Variants in PCDHGA4 observed in about 807,000 individuals in gnomAD.
The protein encoded by PCDHGA4 is protocadherin gamma subfamily A, 4, also known as protocadherin gamma-A4.
A neutral mutation model predicts 54.6 loss-of-function variants in PCDHGA4; 38 were observed. The ratio of observed to expected loss-of-function variants is 0.70; its 90% CI spans 0.54 to 0.91. The LOEUF is 0.91. Ranked by LOEUF, PCDHGA4 falls within the 40% of genes least tolerant of loss-of-function variation. PCDHGA4 has a pLI of 0.00. For missense variants in PCDHGA4, 1,298 were observed against 1,220.9 expected (o/e 1.06, Z -0.94); for synonymous variants, 511 against 512.9 (o/e 1.00, Z 0.05).
intron 1 of PCDHGA4, chr5:141,399,412 T>A: frequency 6.2e-7 from 1 of 1,613,948 alleles, no homozygotes; most frequent in Non-Finnish European, 8.5e-7. Flanking sequence ...GCCGCCCCTC[T>A]CCTCCAGCAT....
rs758590718 is a variant in PCDHGA4 at position 141,355,439 on chromosome 5, G to A, written c.332G>A (p.Arg111His). The A allele has an allele frequency of 3.0e-5, 48 of 1,613,990 alleles. No homozygotes were observed. Among genetic ancestry groups the A allele is most frequent in the Non-Finnish European group, 3.9e-5 (46 of 1,179,942 alleles). ...ACGCAGCTTTTCGCCCTGAACCCGC[G>A]CAGCGGCACCTTGGTCACCGCGGGT... The part of the protein sequence containing the change: ...GRTQLFALNP[R>H]SGTLVTAGRI... Residue 111 changes from arginine (R) to histidine (H), a missense_variant, in exon 1 of 4, where the codon CGC (arginine) becomes CAC (histidine). By Grantham distance (29) the Arg-to-His change is conservative. Coordinates refer to ENST00000571252, the MANE Select transcript of PCDHGA4 (RefSeq NM_018917.4).
chr5:141,414,597 C>T, intron 1 of PCDHGA4: 5 of 1,613,972 alleles, frequency 3.1e-6, no homozygotes, highest in Non-Finnish European at 3.4e-6. Flanking sequence ...GGGGTGCCTC[C>T]ATCTTCTCAG....
chr5:141,478,711 T>A, intron 1 of PCDHGA4: 1 of 1,547,346 alleles, frequency 6.5e-7, no homozygotes, highest in Non-Finnish European at 8.7e-7. Flanking sequence ...CTTTGTGAGA[T>A]GGTGGCCTGC....
intron 1 of PCDHGA4, chr5:141,389,769 G>A (rs2091901102): frequency 3.1e-6 from 5 of 1,612,950 alleles, no homozygotes; most frequent in Non-Finnish European, 4.2e-6. Context: ...CACAGCGCGT[G>A]CCTTAGGCGA....
At chr5:141,449,542 T>C (rs1379019468) in intron 1 of PCDHGA4, among the ~76,000 whole-genome samples, 2 of 142,482 alleles carry the variant, frequency 1.4e-5, no homozygotes, top group African/African-American at 5.3e-5. Context: ...TGAGCCGAGA[T>C]CGCACCACTG....
intron 1 of PCDHGA4, chr5:141,407,918 C>T (rs890872713): frequency 1.1e-5 from 5 of 472,514 alleles, no homozygotes. Context: ...GGGCTGCTGT[C>T]CCGCACGGAG....
At chr5:141,455,920 C>T (rs941360102) in intron 1 of PCDHGA4, among the ~76,000 whole-genome samples, 1 of 147,944 alleles carries the variant, frequency 6.8e-6, no homozygotes, top group Non-Finnish European at 1.5e-5. Context: ...TATTTTGAGA[C>T]GGAGTCTCGC....
intron 1 of PCDHGA4, among the ~76,000 whole-genome samples, chr5:141,429,880 G>A (rs1209368869): frequency 6.6e-6 from 1 of 152,104 alleles, no homozygotes; most frequent in Non-Finnish European, 1.5e-5. Context: ...CTTTTACTAA[G>A]TTTCCTGAAC....
intron 1 of PCDHGA4, chr5:141,403,099 C>T (rs762392585): frequency 2.5e-6 from 4 of 1,613,938 alleles, no homozygotes; most frequent in Non-Finnish European, 2.5e-6. Flanking sequence ...GCAACATCTC[C>T]AAGGACCTGG....
At position 141,491,101 on chromosome 5, in the gene PCDHGA4, G is replaced by A. The variant is rs1270788252; in HGVS notation, c.2515-3706G>A. Reference sequence around the variant, plus strand: ...GTCCACAGCCCCAGGACTGTTCCTCGTGTCTACACACACTGGTGAGGTGCG... The same window carrying A: ...GTCCACAGCCCCAGGACTGTTCCTCATGTCTACACACACTGGTGAGGTGCG... On this transcript the variant is annotated intron_variant, in intron 1 of 3. Transcript: ENST00000571252. This position sits in a 1 kb window ranked among gnomAD's most constrained non-coding sequence, Gnocchi z 6.9. The A allele has an allele frequency of 8.1e-6, 13 of 1,614,102 alleles. No individual in the cohort carries two copies. In the East Asian group the frequency reaches 1.6e-4, roughly 19 times the overall value.
At position 141,450,006 on chromosome 5, in the gene PCDHGA4, C is replaced by CTTTTT. The variant is rs1554136305; in HGVS notation, c.2515-44787_2515-44783dup. ...CACATTGCATTTAGTTGCCATGTCTCTTTTTTTTTTTTTTTTTTGAGACAG... is the reference window on the plus strand; with the variant it reads ...CACATTGCATTTAGTTGCCATGTCTCTTTTTTTTTTTTTTTTTTTTTTTGAGACAG... On this transcript the variant is annotated intron_variant, in intron 1 of 3. Transcript: ENST00000571252. Among the ~76,000 whole-genome samples the CTTTTT allele has an allele frequency of 3.4e-4, 45 of 132,908 alleles. 3 individuals carry two copies. Among genetic ancestry groups the CTTTTT allele is most frequent in the South Asian group, 7.1e-4 (3 of 4,236 alleles). 87.2% of individuals were successfully genotyped at this position (132,908 alleles called of 152,430 possible).
intron 1 of PCDHGA4, among the ~76,000 whole-genome samples, chr5:141,488,969 CCAAT>C (rs1303368467): frequency 4.6e-5 from 7 of 152,106 alleles, no homozygotes; most frequent in Non-Finnish European, 7.4e-5. Context: ...GACTTTTTGG[CCAAT>C]CAGACTCAGA....
chr5:141,445,302 A>C (rs2098462947), intron 1 of PCDHGA4, among the ~76,000 whole-genome samples: 1 of 152,220 alleles, frequency 6.6e-6, no homozygotes, highest in African/African-American at 2.4e-5. Flanking sequence ...CATTCTCTTC[A>C]GTTTGTAGGT....
At chr5:141,504,240 G>A (rs1275204117) in intron 2 of PCDHGA4, among the ~76,000 whole-genome samples, 1 of 152,182 alleles carries the variant, frequency 6.6e-6, no homozygotes, top group Non-Finnish European at 1.5e-5. Context: ...AAGAAGCAGA[G>A]AGTTCTTCTT....
rs2096153349 is a variant in PCDHGA4 at position 141,417,731 on chromosome 5, C to G, written c.2514+60110C>G. 2.2e-6 allele frequency: 3 copies of G among 1,378,810 alleles called. No homozygotes were observed. In the East Asian group the frequency reaches 7.6e-5, roughly 35 times the overall value. 85.4% of individuals were successfully genotyped at this position (1,378,810 alleles called of 1,614,324 possible). A position where few individuals can be genotyped will look rare whatever the true frequency, so the allele number is the denominator to read the frequency against. On this transcript the variant is annotated intron_variant, in intron 1 of 3. Coordinates refer to ENST00000571252, the MANE Select transcript of PCDHGA4 (RefSeq NM_018917.4). ...AGGCTCCCGGCTGCGCAGACCTTGC[C>G]CAGCACACCAGATTGCCAGCTCCGA...
At position 141,362,191 on chromosome 5, in the gene PCDHGA4, G is replaced by A. The variant is rs780393919; in HGVS notation, c.2514+4570G>A. On this transcript the variant is annotated intron_variant, in intron 1 of 3. Coordinates refer to ENST00000571252, the MANE Select transcript of PCDHGA4 (RefSeq NM_018917.4). ...CCGCCGGGAGCCCTCTGACCCCCAG[G>A]CAAAACTGCAGTTTTACCTGGTTGT... The A allele has an allele frequency of 3.3e-5, 53 of 1,613,882 alleles. No individual in the cohort carries two copies. The highest frequency in any genetic ancestry group is 1.6e-4 in the Middle Eastern group (1 of 6,084).
At chr5:141,417,440 T>C (rs889107076) in intron 1 of PCDHGA4, 1 of 166,232 alleles carries the variant, frequency 6.0e-6, no homozygotes, top group African/African-American at 2.4e-5. Flanking sequence ...TAAAAAGATA[T>C]GATAGTTATG....
intron 1 of PCDHGA4, chr5:141,365,450 G>A: frequency 6.2e-7 from 1 of 1,614,010 alleles, no homozygotes; most frequent in Non-Finnish European, 8.5e-7. Context: ...CGTACATGAT[G>A]GTGATTCTGG....
chr5:141,434,667 G>T (rs1464226862), intron 1 of PCDHGA4, among the ~76,000 whole-genome samples: 3 of 152,074 alleles, frequency 2.0e-5, no homozygotes, highest in East Asian at 3.9e-4. Context: ...CTATAGAAAT[G>T]ATGCTAATGA....
Sources: allele counts gnomAD v4.1 joint callset (sites outside exome capture counted in the v4.1 genomes callset), GRCh38; gene constraint gnomAD v4.1.1; non-coding constraint Gnocchi (gnomAD v3.1); transcripts MANE v1.5; gene names NCBI Gene and HGNC (gene_info 2026-07-23, HGNC 2026-07-21).